KIF26B: variants seen among roughly 807,000 people sequenced by gnomAD.
The protein encoded by KIF26B is kinesin-like protein KIF26B.
A neutral mutation model predicts 151.2 loss-of-function variants in KIF26B; 63 were observed. The ratio of observed to expected loss-of-function variants is 0.42; its 90% CI spans 0.34 to 0.51. KIF26B has a LOEUF of 0.51. KIF26B is among the 20% of genes least tolerant of loss of function. The pLI is 0.07. For missense variants in KIF26B, 2,813 were observed against 2,913.6 expected (o/e 0.97, Z 0.79); for synonymous variants, 1,357 against 1,262.1 (o/e 1.08, Z -1.59).
chr1:245,310,965 A>G (rs913962349), intron 2 of KIF26B, among the ~76,000 whole-genome samples: 1 of 152,120 alleles, frequency 6.6e-6, no homozygotes. Context: ...AAGTTGTTTG[A>G]CGCTACACTC....
At chr1:245,618,931 T>C (rs1389437818) in intron 9 of KIF26B, among the ~76,000 whole-genome samples, 2 of 136,672 alleles carry the variant, frequency 1.5e-5, no homozygotes, top group Non-Finnish European at 3.1e-5. Flanking sequence ...TATTAGACTA[T>C]AGGTTCCTTG....
At chr1:245,684,738 C>T (rs997535407) in intron 11 of KIF26B, among the ~76,000 whole-genome samples, 4 of 152,230 alleles carry the variant, frequency 2.6e-5, no homozygotes, top group Admixed American at 6.5e-5. Context: ...TGCATGGCCT[C>T]GGTCCTGCGT....
rs1483461861 is a variant in KIF26B at position 245,560,457 on chromosome 1, C to T, written c.1350+19507C>T. Among the ~76,000 whole-genome samples, 1 of 152,076 alleles carries T rather than the reference C, an allele frequency of 6.6e-6. No homozygotes were observed. The highest frequency in any genetic ancestry group is 1.5e-5 in the Non-Finnish European group (1 of 68,014). ...TTACTTTATTTTAATTCTGCCATGA[C>T]ATTTGTGGCGGTTGTTTTAAGATTC... On this transcript the variant is annotated intron_variant, in intron 5 of 14. Transcript: ENST00000407071. The surrounding 1 kb of genome is among the most constrained non-coding windows in gnomAD (Gnocchi z 4.3).
intron 4 of KIF26B, among the ~76,000 whole-genome samples, chr1:245,519,430 T>G (rs1661038458): frequency 6.6e-6 from 1 of 151,974 alleles, no homozygotes; most frequent in South Asian, 2.1e-4. Flanking sequence ...GGTGGGTGCC[T>G]GTAATTCCAG....
rs2044722076 is a variant in KIF26B, at chr1:245,698,348, C to CA, written c.6027+41dup. The CA allele has an allele frequency of 1.9e-6, 3 of 1,560,748 alleles. No individual in the cohort carries two copies. Among genetic ancestry groups the CA allele is most frequent in the Non-Finnish European group, 2.6e-6 (3 of 1,141,800 alleles). The stretch of plus-strand genomic sequence containing the variant: ...TTCCCACCCCCTGCCTACGTGGTGG[C>CA]AGCTCCCCACCAAGCCTGAGCAGGT... On this transcript the variant is annotated intron_variant, in intron 13 of 14. Transcript: ENST00000407071. This position sits in a 1 kb window ranked among gnomAD's most constrained non-coding sequence, Gnocchi z 4.0.
chr1:245,252,762 T>C (rs1670467246), intron 2 of KIF26B, among the ~76,000 whole-genome samples: 1 of 152,118 alleles, frequency 6.6e-6, no homozygotes, highest in Admixed American at 6.5e-5. Flanking sequence ...CTAGCTAGGG[T>C]CTCTAGAACC....
intron 5 of KIF26B, among the ~76,000 whole-genome samples, chr1:245,554,395 C>T (rs116586464): frequency 0.016 from 2,503 of 152,254 alleles, 73 homozygotes; most frequent in African/African-American, 0.056. Context: ...ATCATTTACC[C>T]ATCACCTCTT....
In KIF26B at chr1:245,295,084, C is replaced by T. The variant is rs549153004; in HGVS notation, c.466-71750C>T. On this transcript the variant is annotated intron_variant, in intron 2 of 14. Transcript: ENST00000407071. The stretch of plus-strand genomic sequence containing the variant: ...GGGAAAATTGCAGAGAGTTAGGGCC[C>T]GTATAGTATGTGACACCAATCAAGA... 2.2e-4 allele frequency among the ~76,000 whole-genome samples: 33 copies of T among 152,044 alleles called. 1 individual carries two copies. The highest frequency in any genetic ancestry group is 8.0e-4 in the African/African-American group (33 of 41,468).
intron 5 of KIF26B, among the ~76,000 whole-genome samples, chr1:245,566,919 T>G (rs551520616): frequency 6.6e-6 from 1 of 150,840 alleles, no homozygotes; most frequent in South Asian, 2.1e-4. Context: ...AGAGTGAGAC[T>G]CCAACTAAAA....
intron 4 of KIF26B, among the ~76,000 whole-genome samples, chr1:245,518,006 G>A (rs1661010113): frequency 6.6e-6 from 1 of 151,812 alleles, no homozygotes; most frequent in Admixed American, 6.6e-5. Context: ...CAAGTAGCTG[G>A]GATTACAGAC....
intron 2 of KIF26B, among the ~76,000 whole-genome samples, chr1:245,280,530 C>CAAAAAAA (rs1170207967): frequency 3.8e-5 from 3 of 79,638 alleles, no homozygotes; most frequent in African/African-American, 6.6e-5. Flanking sequence ...GACTCTGTCT[C>CAAAAAAA]AAAAAAAAAA....
At chr1:245,345,902 C>T (rs988792037) in intron 2 of KIF26B, among the ~76,000 whole-genome samples, 1 of 151,620 alleles carries the variant, frequency 6.6e-6, no homozygotes, top group African/African-American at 2.4e-5. Flanking sequence ...GTAAATTCCC[C>T]AGTCTCAGGT....
rs139693520 is a variant in KIF26B, at chr1:245,242,691, G to A, written c.465+86008G>A. 8.6e-3 allele frequency among the ~76,000 whole-genome samples: 1,303 copies of A among 152,032 alleles called. 22 individuals are homozygous for A. Among genetic ancestry groups the A allele is most frequent in the African/African-American group, 0.029 (1,223 of 41,464 alleles). ...GTTTGAGATGGAATCTTGCTCTGTC[G>A]CCCAGGCTGGAGTGGAGTGGCGTGA... On this transcript the variant is annotated intron_variant, in intron 2 of 14. Transcript: ENST00000407071.
intron 3 of KIF26B, among the ~76,000 whole-genome samples, chr1:245,376,035 T>G (rs1037475310): frequency 2.0e-5 from 3 of 152,204 alleles, no homozygotes; most frequent in Non-Finnish European, 2.9e-5. Context: ...TACAATTATG[T>G]AAGTCTCATA....
chr1:245,653,263 G>A (rs1435133492), intron 10 of KIF26B, among the ~76,000 whole-genome samples: 1 of 152,202 alleles, frequency 6.6e-6, no homozygotes, highest in Non-Finnish European at 1.5e-5. Context: ...AGAACCGAGA[G>A]CGGGAACTCT....
At chr1:245,323,868 G>A (rs140070541) in intron 2 of KIF26B, among the ~76,000 whole-genome samples, 197 of 152,218 alleles carry the variant, frequency 1.3e-3, no homozygotes, top group African/African-American at 4.6e-3. Context: ...TGTGGACCCT[G>A]CCGTGGGTGG....
At chr1:245,504,254 C>T (rs1306412635) in intron 4 of KIF26B, among the ~76,000 whole-genome samples, 1 of 151,996 alleles carries the variant, frequency 6.6e-6, no homozygotes, top group Non-Finnish European at 1.5e-5. Context: ...CTCCTCCAAC[C>T]CCTTCCCACC....
At chr1:245,162,086 A>AGAG (rs1399419376) in intron 2 of KIF26B, among the ~76,000 whole-genome samples, 3 of 152,208 alleles carry the variant, frequency 2.0e-5, no homozygotes, top group Non-Finnish European at 4.4e-5. Context: ...TCTGCGAGGA[A>AGAG]GAGTTCTTCA....
At chr1:245,349,521 C>G (rs141238350) in intron 2 of KIF26B, among the ~76,000 whole-genome samples, 19 of 142,544 alleles carry the variant, frequency 1.3e-4, no homozygotes, top group African/African-American at 4.9e-4. Context: ...ACACAGTACT[C>G]ACTCATTAAT....
Sources: gnomAD v4.1 joint callset for allele counts (sites outside exome capture counted in the v4.1 genomes callset) on GRCh38, gnomAD v4.1.1 for gene constraint, Gnocchi (gnomAD v3.1) non-coding constraint, MANE v1.5 for transcripts, NCBI Gene and HGNC (gene_info 2026-07-23, HGNC 2026-07-21) for gene names.